CNBD1: variants seen among roughly 807,000 people sequenced by gnomAD.
CNBD1 encodes the protein cyclic nucleotide binding domain containing 1.
A neutral mutation model predicts 54.4 loss-of-function variants in CNBD1; 71 were observed. The ratio of observed to expected loss-of-function variants is 1.30; its 90% CI spans 1.08 to 1.59. The LOEUF is 1.59. Among genes scored for constraint, CNBD1 ranks in the 40% most tolerant of loss-of-function variants. The pLI is 0.00. For missense variants in CNBD1, 659 were observed against 518.0 expected (o/e 1.27, Z -2.64); for synonymous variants, 182 against 170.7 (o/e 1.07, Z -0.51).
intron 4 of CNBD1, among the ~76,000 whole-genome samples, chr8:87,010,841 T>C (rs578160744): frequency 5.3e-5 from 8 of 152,324 alleles, no homozygotes; most frequent in African/African-American, 9.6e-5. Flanking sequence ...TAAATTGATA[T>C]CTGAAACTTC....
At chr8:87,110,683 A>G (rs1811644071) in intron 4 of CNBD1, among the ~76,000 whole-genome samples, 1 of 152,234 alleles carries the variant, frequency 6.6e-6, no homozygotes, top group African/African-American at 2.4e-5. Flanking sequence ...AATTTACAAA[A>G]TATCATCAAC....
At chr8:87,251,001 A>T (rs1807904391) in intron 6 of CNBD1, among the ~76,000 whole-genome samples, 1 of 145,492 alleles carries the variant, frequency 6.9e-6, no homozygotes, top group South Asian at 2.2e-4. Context: ...TAACACAAAG[A>T]AACAATAAAA....
chr8:87,240,626 T>C (rs1352983337), intron 6 of CNBD1, among the ~76,000 whole-genome samples: 1 of 152,206 alleles, frequency 6.6e-6, no homozygotes, highest in Non-Finnish European at 1.5e-5. Context: ...TAGTTTAAAT[T>C]GGTCTATTCC....
chr8:87,337,458 C>G (rs561219434), intron 8 of CNBD1, among the ~76,000 whole-genome samples: 1 of 152,178 alleles, frequency 6.6e-6, no homozygotes, highest in Non-Finnish European at 1.5e-5. Flanking sequence ...CACCCCTCCC[C>G]CAAGGAGCTC....
chr8:87,110,919 G>A (rs1811648636), intron 4 of CNBD1, among the ~76,000 whole-genome samples: 1 of 152,172 alleles, frequency 6.6e-6, no homozygotes, highest in Admixed American at 6.5e-5. Context: ...ATGCATTCTA[G>A]TAAAGATACC....
intron 2 of CNBD1, among the ~76,000 whole-genome samples, chr8:87,416,768 A>G (rs899970752): frequency 6.6e-6 from 1 of 151,178 alleles, no homozygotes; most frequent in Non-Finnish European, 1.5e-5. Context: ...GGCAGATAAT[A>G]GGGAACATTT....
At chr8:87,119,104 T>G (rs540957355) in intron 4 of CNBD1, among the ~76,000 whole-genome samples, 4 of 152,230 alleles carry the variant, frequency 2.6e-5, no homozygotes, top group South Asian at 4.1e-4. Context: ...ATATGAATTT[T>G]AAGATTTTTT....
At chr8:87,177,303 A>C (rs2943167) in intron 4 of CNBD1, among the ~76,000 whole-genome samples, 86,883 of 152,000 alleles carry the variant, frequency 0.57, 26,200 homozygotes, top group African/African-American at 0.78. Context: ...TTTGCCACTT[A>C]CCAAGAATAG....
intron 4 of CNBD1, among the ~76,000 whole-genome samples, chr8:86,950,886 G>A (rs905046188): frequency 3.9e-5 from 6 of 152,152 alleles, no homozygotes; most frequent in Non-Finnish European, 8.8e-5. Context: ...ATGTGTCTAG[G>A]AGTGTGTTCA....
rs138743892 is a variant in CNBD1, at chr8:87,003,332, A to G, written c.431+63578A>G. 7.1e-3 allele frequency among the ~76,000 whole-genome samples: 1,079 copies of G among 152,334 alleles called. 11 individuals are homozygous for G. Among genetic ancestry groups the G allele is most frequent in the African/African-American group, 0.025 (1,036 of 41,580 alleles). On this transcript the variant is annotated intron_variant, in intron 4 of 10. Coordinates refer to ENST00000518476, the MANE Select transcript of CNBD1 (RefSeq NM_173538.3). ...ACAGAATGATTCCTGATTTTGCAAT[A>G]TCCTAAAATACCTAGATTATTAGAA...
chr8:87,019,661 T>G (rs906590038), intron 4 of CNBD1, among the ~76,000 whole-genome samples: 2 of 152,128 alleles, frequency 1.3e-5, no homozygotes, highest in Non-Finnish European at 2.9e-5. Flanking sequence ...GCGGATCACC[T>G]AACGTCGGGA....
chr8:87,128,765 G>T (rs993905699), intron 4 of CNBD1, among the ~76,000 whole-genome samples: 2 of 151,552 alleles, frequency 1.3e-5, no homozygotes, highest in Admixed American at 6.6e-5. Context: ...TGTTGGATTT[G>T]CTTTCCTAAT....
At chr8:87,427,391 A>G (rs1293781855) in intron 2 of CNBD1, among the ~76,000 whole-genome samples, 1 of 152,192 alleles carries the variant, frequency 6.6e-6, no homozygotes, top group Non-Finnish European at 1.5e-5. Flanking sequence ...AATATTGATT[A>G]TTCAGTAGGC....
At chr8:87,378,864 C>A (rs1385247891) in intron 10 of CNBD1, among the ~76,000 whole-genome samples, 1 of 149,060 alleles carries the variant, frequency 6.7e-6, no homozygotes, top group Non-Finnish European at 1.5e-5. Flanking sequence ...TGAAAAGGTC[C>A]TTCATATCCC....
At chr8:87,377,967 G>A (rs1316509313) in intron 10 of CNBD1, among the ~76,000 whole-genome samples, 9 of 142,772 alleles carry the variant, frequency 6.3e-5, no homozygotes, top group African/African-American at 2.4e-4. Context: ...AGAAGTGTCT[G>A]TTCATGTCCT....
chr8:87,141,951 C>G (rs1228447222), intron 4 of CNBD1, among the ~76,000 whole-genome samples: 1 of 152,126 alleles, frequency 6.6e-6, no homozygotes, highest in African/African-American at 2.4e-5. Context: ...TGGGTAGACT[C>G]AACCAGTGGC....
At chr8:86,933,857 T>C (rs1035745366) in intron 3 of CNBD1, among the ~76,000 whole-genome samples, 4 of 152,270 alleles carry the variant, frequency 2.6e-5, no homozygotes, top group Middle Eastern at 6.8e-3. Context: ...ACTAGTTCTA[T>C]AGTGTAACAA....
At chr8:87,246,359 G>T (rs1487695250) in intron 6 of CNBD1, among the ~76,000 whole-genome samples, 1 of 152,046 alleles carries the variant, frequency 6.6e-6, no homozygotes, top group East Asian at 1.9e-4. Flanking sequence ...ATAACTATCA[G>T]AATTGTTGAC....
At chr8:87,053,586 G>C (rs1331092295) in intron 4 of CNBD1, among the ~76,000 whole-genome samples, 1 of 152,172 alleles carries the variant, frequency 6.6e-6, no homozygotes, top group East Asian at 1.9e-4. Context: ...GGTAACCTTT[G>C]TAGATGCTGC....
Sources: allele counts gnomAD v4.1 joint callset (sites outside exome capture counted in the v4.1 genomes callset), GRCh38; gene constraint gnomAD v4.1.1; transcripts MANE v1.5; gene names NCBI Gene and HGNC (gene_info 2026-07-23, HGNC 2026-07-21).